INSL6: variants seen among roughly 807,000 people sequenced by gnomAD.
The protein encoded by INSL6 is insulin-like peptide INSL6.
INSL6 carries 16 observed loss-of-function variants against 9.4 expected under a neutral mutation model. The ratio of observed to expected loss-of-function variants is 1.70; its 90% CI spans 1.15 to 2.59. The LOEUF is 2.59. Among genes scored for constraint, INSL6 ranks in the 30% most tolerant of loss-of-function variants. The pLI, the probability that INSL6 is intolerant of heterozygous loss-of-function variation, is 0.00. For synonymous variants in INSL6, 154 were observed against 96.9 expected (o/e 1.59, Z -3.46); for missense variants, 391 against 257.3 (o/e 1.52, Z -3.56).
the INSL6 span, among the ~76,000 whole-genome samples, chr9:5,082,166 A>G: frequency 7.9e-5 from 12 of 152,220 alleles, no homozygotes; most frequent in African/African-American, 2.2e-4. Context: ...AGTGCTCAGC[A>G]TATGGAGGAC....
chr9:5,034,643 G>A, the INSL6 span, among the ~76,000 whole-genome samples: 5 of 151,836 alleles, frequency 3.3e-5, no homozygotes, highest in Non-Finnish European at 7.4e-5. Context: ...TGACTACTGG[G>A]TACATAACGA....
At chr9:4,997,490 A>G in the INSL6 span, among the ~76,000 whole-genome samples, 2 of 152,108 alleles carry the variant, frequency 1.3e-5, no homozygotes, top group Non-Finnish European at 2.9e-5. Flanking sequence ...TCTTGCAAGA[A>G]CTCAGTATCT....
chr9:5,131,584 C>T (rs1305344787), intron 3 of INSL6, among the ~76,000 whole-genome samples: 2 of 151,634 alleles, frequency 1.3e-5, no homozygotes, highest in African/African-American at 4.9e-5. Flanking sequence ...ATTACAGGTG[C>T]CCGCCACCAC....
chr9:5,033,058 G>C, the INSL6 span, among the ~76,000 whole-genome samples: 8 of 152,344 alleles, frequency 5.3e-5, no homozygotes, highest in Non-Finnish European at 8.8e-5. Context: ...TAAAGGACCT[G>C]ATGGAGCTGA....
chr9:5,179,665 T>TA (rs1198188598), intron 1 of INSL6, among the ~76,000 whole-genome samples: 17 of 152,272 alleles, frequency 1.1e-4, no homozygotes, highest in Non-Finnish European at 1.6e-4. Flanking sequence ...TATGCAGCTA[T>TA]AAAAAAGAAT....
the INSL6 span, chr9:5,077,612 C>G: frequency 7.3e-7 from 1 of 1,367,814 alleles, no homozygotes; most frequent in Non-Finnish European, 9.7e-7. Context: ...TCAAAAGATA[C>G]TATTTTATTT....
chr9:5,105,939 A>C, the INSL6 span, among the ~76,000 whole-genome samples: 12 of 152,378 alleles, frequency 7.9e-5, no homozygotes, highest in South Asian at 2.3e-3. Context: ...CTTAAATGTT[A>C]GACTTAAAAC....
intron 1 of INSL6, among the ~76,000 whole-genome samples, chr9:5,180,548 C>T (rs12115301): frequency 0.25 from 38,262 of 151,966 alleles, 5,117 homozygotes; most frequent in South Asian, 0.31. Context: ...TATAAACAGC[C>T]GCTTCGGGAA....
chr9:5,018,660 A>G, the INSL6 span, among the ~76,000 whole-genome samples: 55 of 152,244 alleles, frequency 3.6e-4, no homozygotes, highest in East Asian at 8.7e-3. Flanking sequence ...TTTGACTTCC[A>G]TATGTAGAAC....
the INSL6 span, among the ~76,000 whole-genome samples, chr9:5,004,956 G>A: frequency 1.6e-4 from 23 of 139,660 alleles, no homozygotes; most frequent in African/African-American, 5.5e-4. Context: ...TTGCTCTGTT[G>A]CCTAGGCTGA....
the INSL6 span, chr9:5,064,995 C>T: frequency 1.2e-6 from 2 of 1,608,456 alleles, no homozygotes; most frequent in Non-Finnish European, 8.5e-7. Context: ...GTAGCACCTC[C>T]AGCCGTGCTT....
At chr9:5,070,060 AT>A in the INSL6 span, 1 of 1,589,242 alleles carries the variant, frequency 6.3e-7, no homozygotes, top group Non-Finnish European at 8.6e-7. Flanking sequence ...TTTGTAAGTC[AT>A]TAGATACTCA....
At chr9:5,043,338 C>G in the INSL6 span, among the ~76,000 whole-genome samples, 2 of 151,776 alleles carry the variant, frequency 1.3e-5, no homozygotes, top group Non-Finnish European at 2.9e-5. Flanking sequence ...AAATGAAACC[C>G]TCCGAAAAAA....
chr9:5,112,262 C>T, the INSL6 span: 1 of 258,144 alleles, frequency 3.9e-6, no homozygotes. Context: ...TGAGGACGGC[C>T]CTGCGGGCAG....
chr9:5,040,346 T>C, the INSL6 span, among the ~76,000 whole-genome samples: 5 of 151,586 alleles, frequency 3.3e-5, no homozygotes, highest in Admixed American at 6.6e-5. Context: ...GCTAAACTTA[T>C]TAAAACTCCA....
At chr9:5,028,391 G>A in the INSL6 span, among the ~76,000 whole-genome samples, 1 of 152,284 alleles carries the variant, frequency 6.6e-6, no homozygotes, top group East Asian at 1.9e-4. Flanking sequence ...AGGCTTTGTT[G>A]TCCCATTTAT....
chr9:5,108,639 G>A, the INSL6 span: 1 of 151,974 alleles, frequency 6.6e-6, no homozygotes, highest in Non-Finnish European at 1.5e-5. Flanking sequence ...AAAACTAGGC[G>A]GCTGCGGTAT....
intron 3 of INSL6, among the ~76,000 whole-genome samples, chr9:5,129,066 G>C (rs1824182689): frequency 6.6e-6 from 1 of 151,838 alleles, no homozygotes; most frequent in African/African-American, 2.4e-5. Context: ...TTTAACCTAA[G>C]GCTTCTAGTT....
chr9:5,030,504 A>G, the INSL6 span, among the ~76,000 whole-genome samples: 1 of 152,156 alleles, frequency 6.6e-6, no homozygotes, highest in Non-Finnish European at 1.5e-5. Flanking sequence ...ATAATTCATC[A>G]TAACTTCATG....
Sources: allele counts gnomAD v4.1 joint callset (sites outside exome capture counted in the v4.1 genomes callset), GRCh38; gene constraint gnomAD v4.1.1; transcripts MANE v1.5; gene names NCBI Gene and HGNC (gene_info 2026-07-23, HGNC 2026-07-21).